Variants in NPHP4 observed in about 807,000 individuals in gnomAD.
NPHP4 encodes nephrocystin-4.
In NPHP4, 151 loss-of-function variants were observed where a neutral mutation model predicts 155.8. The observed-to-expected ratio is 0.97, with a 90% CI of 0.85 to 1.11. The LOEUF (loss-of-function observed/expected upper bound fraction) is 1.11, where lower values mean the gene tolerates loss of function less well. Ranked by LOEUF, NPHP4 falls within the 50% of genes least tolerant of loss-of-function variation. The probability of loss-of-function intolerance (pLI) is 0.00; values close to 1 mark genes in which losing one functional copy is unlikely to be tolerated. For missense variants in NPHP4, 1,956 were observed against 1,925.7 expected (o/e 1.02, Z -0.29); for synonymous variants, 845 against 816.8 (o/e 1.03, Z -0.59).
At position 5,933,205 on chromosome 1, in the gene NPHP4, G is replaced by A; in HGVS notation, c.1244C>T (p.Pro415Leu). ...VTLPLQGGIQPNPSHCLVYKV... is the reference protein window; with the variant it reads ...VTLPLQGGIQLNPSHCLVYKV... ...GTAGACCAGACAGTGCGAGGGGTTG[G>A]GCTGGATCCCACCCTGCAGAGGCAG... The change falls in exon 10 of 30, where the codon CCC becomes CTC. Residue 415 changes from proline to leucine, a missense_variant. Transcript: ENST00000378156. 1 of 1,613,830 alleles carries A rather than the reference G, an allele frequency of 6.2e-7. No homozygotes were observed. Among genetic ancestry groups the A allele is most frequent in the Non-Finnish European group, 8.5e-7 (1 of 1,179,802 alleles).
At chr1:5,964,927 A>ATTT (rs1553194713) in intron 5 of NPHP4, among the ~76,000 whole-genome samples, 1 of 27,016 alleles carries the variant, frequency 3.7e-5, no homozygotes, top group Non-Finnish European at 6.2e-5. Context: ...TTATATATAT[A>ATTT]TATATATATA....
At chr1:5,865,486 C>T (rs896697930) in intron 26 of NPHP4, 5 of 470,028 alleles carry the variant, frequency 1.1e-5, no homozygotes, top group African/African-American at 7.7e-5. Flanking sequence ...GGTGGCTCCA[C>T]CCCTGGCTGC....
chr1:5,960,776 C>A (rs1257713968), intron 6 of NPHP4, among the ~76,000 whole-genome samples: 1 of 152,070 alleles, frequency 6.6e-6, no homozygotes, highest in Non-Finnish European at 1.5e-5. Context: ...AGCACACCCC[C>A]AACACTCCCA....
intron 16 of NPHP4, among the ~76,000 whole-genome samples, chr1:5,898,109 A>G (rs1644483875): frequency 6.6e-6 from 1 of 152,234 alleles, no homozygotes; most frequent in African/African-American, 2.4e-5. Flanking sequence ...GGGAGAGGAA[A>G]TGGACCGCGT....
intron 1 of NPHP4, among the ~76,000 whole-genome samples, chr1:5,991,798 G>A (rs1570790269): frequency 6.6e-6 from 1 of 152,026 alleles, no homozygotes; most frequent in South Asian, 2.1e-4. Context: ...AGGGGCGGAG[G>A]GGCGCGGCCA....
At chr1:5,964,944 T>TTTTTTTTTTTTTTC (rs1259933878) in intron 5 of NPHP4, among the ~76,000 whole-genome samples, 4 of 113,182 alleles carry the variant, frequency 3.5e-5, no homozygotes, top group African/African-American at 1.1e-4. Context: ...TATATATATT[T>TTTTTTTTTTTTTTC]TTTTTTTTTG....
At position 5,966,967 on chromosome 1, in the gene NPHP4, G is replaced by A. The variant is rs142910499; in HGVS notation, c.517+332C>T. 2.5e-3 allele frequency among the ~76,000 whole-genome samples: 388 copies of A among 152,346 alleles called. 3 individuals are homozygous for A. The highest frequency in any genetic ancestry group is 8.8e-3 in the African/African-American group (367 of 41,584). On this transcript the variant is annotated intron_variant, in intron 5 of 29. Coordinates refer to ENST00000378156, the MANE Select transcript of NPHP4 (RefSeq NM_015102.5). ...TGCTGGAGATAACCGACGGCTGTGC[G>A]GTCAGAGGTTTGAGACAGCCGGTGG...
At chr1:5,980,445 G>A (rs1183403113) in intron 2 of NPHP4, among the ~76,000 whole-genome samples, 1 of 152,364 alleles carries the variant, frequency 6.6e-6, no homozygotes. Flanking sequence ...CTCACGGCGC[G>A]AGGAGAAGCT....
intron 11 of NPHP4, among the ~76,000 whole-genome samples, chr1:5,916,956 C>T (rs749467355): frequency 2.0e-5 from 3 of 152,176 alleles, no homozygotes; most frequent in Non-Finnish European, 4.4e-5. Context: ...CATTCACTGA[C>T]GGCAAAATGC....
intron 16 of NPHP4, among the ~76,000 whole-genome samples, chr1:5,901,529 T>C (rs2101074813): frequency 6.6e-6 from 1 of 152,294 alleles, no homozygotes. Flanking sequence ...GATTTTGGAG[T>C]TTCATTTCTT....
chr1:5,862,939 T>G lies in NPHP4; in HGVS notation c.*326A>C. On this transcript the variant is annotated 3_prime_UTR_variant, in exon 30 of 30. Transcript: ENST00000378156. ...AGTAAGAAAAACATAATTTTCTCATTTAGGATGATTCATAAAATACATTTT... is the reference window on the plus strand; with the variant it reads ...AGTAAGAAAAACATAATTTTCTCATGTAGGATGATTCATAAAATACATTTT... The G allele has an allele frequency of 2.9e-6, 1 of 350,368 alleles. No homozygotes were observed. 21.7% of individuals were successfully genotyped at this position (350,368 alleles called of 1,614,324 possible).
rs773430893 is a variant in NPHP4 at position 5,867,700 on chromosome 1, G to C, written c.3472+40C>G. 6.3e-7 allele frequency: 1 copy of C among 1,597,458 alleles called. No homozygotes were observed. The highest frequency in any genetic ancestry group is 2.2e-5 in the East Asian group (1 of 44,768). On this transcript the variant is annotated intron_variant, in intron 24 of 29. Transcript: ENST00000378156. This position sits in a 1 kb window ranked among gnomAD's most constrained non-coding sequence, Gnocchi z 4.1. The stretch of plus-strand genomic sequence containing the variant: ...AGAGGTATCTACTTCCAACAGGTGA[G>C]CCTGCAACATGTGGGCTGCAGGGTC...
At chr1:5,934,267 G>A (rs759609973) in intron 9 of NPHP4, among the ~76,000 whole-genome samples, 1 of 152,130 alleles carries the variant, frequency 6.6e-6, no homozygotes, top group Non-Finnish European at 1.5e-5. Context: ...GGCCCATGGG[G>A]TACAGGCAAC....
At position 5,961,853 on chromosome 1, in the gene NPHP4, T is replaced by C. The variant is rs1650393953; in HGVS notation, c.614A>G (p.Asn205Ser). The change falls in exon 6 of 30, where the codon AAC (asparagine) becomes AGC (serine). Residue 205 changes from asparagine to serine, a missense_variant. Coordinates refer to ENST00000378156, the MANE Select transcript of NPHP4 (RefSeq NM_015102.5). ...LEPAFHLLPE[N>S]LLVSGLQQIP... ...CTGCTGCAGACCAGACACCAGAAGG[T>C]TCTCAGGAAGAAGGTGGAACGCAGG... is the stretch of plus-strand genomic sequence containing the variant. 1.2e-6 allele frequency: 2 copies of C among 1,613,700 alleles called. No individual in the cohort carries two copies. Among genetic ancestry groups the C allele is most frequent in the Non-Finnish European group, 1.7e-6 (2 of 1,179,742 alleles).
chr1:5,906,229 G>A (rs756462217), intron 13 of NPHP4, among the ~76,000 whole-genome samples: 2 of 152,218 alleles, frequency 1.3e-5, no homozygotes, highest in Non-Finnish European at 2.9e-5. Context: ...CTGTGGCACC[G>A]AGCCCCTGGC....
intron 3 of NPHP4, among the ~76,000 whole-genome samples, chr1:5,972,059 C>T (rs1032548752): frequency 1.3e-5 from 2 of 152,240 alleles, no homozygotes; most frequent in African/African-American, 2.4e-5. Context: ...GGGCCTCTGC[C>T]GATGTGCCTG....
intron 11 of NPHP4, among the ~76,000 whole-genome samples, chr1:5,914,924 C>G (rs558687549): frequency 3.9e-5 from 6 of 152,330 alleles, no homozygotes; most frequent in South Asian, 2.1e-4. Context: ...AGACCTCCCC[C>G]CCGCACCCTG....
intron 28 of NPHP4, 73 bp downstream of exon 28, chr1:5,864,265 C>T (rs756649078): frequency 6.3e-6 from 9 of 1,420,990 alleles, no homozygotes; most frequent in Non-Finnish European, 8.6e-6. Context: ...GTCACAGGGC[C>T]GAGGTGGGGG....
chr1:5,979,589 G>A (rs1054092370), intron 2 of NPHP4, among the ~76,000 whole-genome samples: 2 of 152,068 alleles, frequency 1.3e-5, no homozygotes, highest in African/African-American at 4.8e-5. Flanking sequence ...CAGGCTGGAG[G>A]TCTGGCCACT....
Sources: gnomAD v4.1 joint callset for allele counts (sites outside exome capture counted in the v4.1 genomes callset) on GRCh38, gnomAD v4.1.1 for gene constraint, Gnocchi (gnomAD v3.1) non-coding constraint, MANE v1.5 for transcripts, NCBI Gene and HGNC (gene_info 2026-07-23, HGNC 2026-07-21) for gene names.